The following ATP13A4 variants were observed in gnomAD, a reference collection of about 807,000 sequenced individuals.
ATP13A4 encodes the protein probable cation-transporting ATPase 13A4.
In ATP13A4, 114 loss-of-function variants were observed where a neutral mutation model predicts 142.5. That is an observed-to-expected ratio of 0.80 (90% confidence interval 0.69 to 0.93). The LOEUF (loss-of-function observed/expected upper bound fraction) is 0.93, where lower values mean the gene tolerates loss of function less well. ATP13A4 is among the 40% of genes least tolerant of loss of function. The pLI is 0.00. For synonymous variants in ATP13A4, 488 were observed against 514.8 expected (o/e 0.95, Z 0.70); for missense variants, 1,392 against 1,454.0 (o/e 0.96, Z 0.69).
At chr3:193,573,290 C>CTTATATATATATATGT (rs1279066051) in intron 2 of ATP13A4, among the ~76,000 whole-genome samples, 5 of 109,994 alleles carry the variant, frequency 4.5e-5, no homozygotes, top group African/African-American at 2.2e-4. Flanking sequence ...TATATATATA[C>CTTATATATATATATGT]ACATATATAT....
chr3:193,553,554 G>A (rs1723711944), intron 1 of ATP13A4: 1 of 152,206 alleles, frequency 6.6e-6, no homozygotes, highest in Non-Finnish European at 1.5e-5. Context: ...AAACAAAGAT[G>A]ATATCCAATG....
chr3:193,534,126 A>G (rs1366213438), intron 1 of ATP13A4, among the ~76,000 whole-genome samples: 2 of 152,198 alleles, frequency 1.3e-5, no homozygotes, highest in Non-Finnish European at 2.9e-5. Flanking sequence ...TTTATCCACC[A>G]GTAATAAGGA....
At chr3:193,557,060 G>A (rs145754505), upstream of ATP13A4, among the ~76,000 whole-genome samples, 504 of 152,290 alleles carry the variant, frequency 3.3e-3, 2 homozygotes, top group African/African-American at 0.011. Flanking sequence ...CTCTTGCACC[G>A]TTGTGGGATT....
chr3:193,491,522 C>T, intron 5 of ATP13A4, 124 bp from the exon 6 acceptor site: 1 of 761,006 alleles, frequency 1.3e-6, no homozygotes, highest in South Asian at 1.5e-5. Context: ...ATAAGTCTCC[C>T]TTGTTAAATA....
chr3:193,404,696 G>A (rs1714407091), intron 29 of ATP13A4, among the ~76,000 whole-genome samples: 1 of 152,076 alleles, frequency 6.6e-6, no homozygotes, highest in Admixed American at 6.5e-5. Context: ...AAAGTTTCTT[G>A]GGGCCTCTCC....
intron 8 of ATP13A4, among the ~76,000 whole-genome samples, chr3:193,478,476 A>G (rs780454263): frequency 3.9e-5 from 6 of 152,192 alleles, no homozygotes; most frequent in Non-Finnish European, 8.8e-5. Flanking sequence ...ACAAAAGATC[A>G]TTCAAGGATA....
At chr3:193,453,198 T>G (rs1241876200) in intron 17 of ATP13A4, among the ~76,000 whole-genome samples, 1 of 152,256 alleles carries the variant, frequency 6.6e-6, no homozygotes, top group African/African-American at 2.4e-5. Context: ...GCTTTCATTC[T>G]TACTATATAA....
At chr3:193,572,161 T>C (rs550938914) in intron 2 of ATP13A4, among the ~76,000 whole-genome samples, 11 of 152,020 alleles carry the variant, frequency 7.2e-5, no homozygotes, top group African/African-American at 1.2e-4. Flanking sequence ...AGTGGGAGGA[T>C]TGCCTGAGCT....
chr3:193,530,661 C>T (rs146024899), intron 1 of ATP13A4, among the ~76,000 whole-genome samples: 61 of 152,290 alleles, frequency 4.0e-4, no homozygotes, highest in African/African-American at 7.7e-4. Flanking sequence ...TCCACACTGC[C>T]GCAGAGTGAT....
intron 1 of ATP13A4, chr3:193,554,338 A>C: frequency 3.7e-6 from 1 of 270,776 alleles, no homozygotes; most frequent in Non-Finnish European, 7.1e-6. Context: ...TTCACTGCTG[A>C]ACTTCTGCTT....
intron 28 of ATP13A4, among the ~76,000 whole-genome samples, chr3:193,408,962 T>C (rs1714638803): frequency 6.6e-6 from 1 of 152,212 alleles, no homozygotes; most frequent in Admixed American, 6.5e-5. Flanking sequence ...ATATAATAGT[T>C]TTCTACTGTT....
intron 3 of ATP13A4, among the ~76,000 whole-genome samples, chr3:193,500,601 A>G (rs1026869773): frequency 1.3e-4 from 20 of 152,182 alleles, no homozygotes; most frequent in African/African-American, 4.6e-4. Flanking sequence ...TTTCACTCCT[A>G]TGAGAATCTC....
intron 2 of ATP13A4, among the ~76,000 whole-genome samples, chr3:193,575,881 T>C (rs879861812): frequency 2.0e-5 from 3 of 152,146 alleles, no homozygotes; most frequent in African/African-American, 4.8e-5. Context: ...AATTTAGACA[T>C]AGTGATTTTC....
At chr3:193,573,884 AAAGTT>A (rs1227896630) in intron 2 of ATP13A4, among the ~76,000 whole-genome samples, 1 of 152,224 alleles carries the variant, frequency 6.6e-6, no homozygotes, top group Non-Finnish European at 1.5e-5. Flanking sequence ...TCGATTTAGA[AAAGTT>A]AAGTGCTAAT....
Position 193,572,075 on chromosome 3 carries a change from G to C in ATP13A4, n.291+9632C>G, listed in dbSNP as rs188199439. Among the ~76,000 whole-genome samples, 12 of 151,992 alleles carry C rather than the reference G, an allele frequency of 7.9e-5. 2 individuals carry two copies. Among genetic ancestry groups the C allele is most frequent in the Admixed American group, 6.6e-4 (10 of 15,260 alleles). ...AGCCTCAGCAACATGGCAAAACCCC[G>C]CCTCTACAAAACATACAAAATAATA... On this transcript the variant is annotated intron_variant and non_coding_transcript_variant, in intron 2 of 3. Transcript: ENST00000489140.
intron 1 of ATP13A4, among the ~76,000 whole-genome samples, chr3:193,538,959 C>T (rs577222634): frequency 3.5e-4 from 52 of 149,714 alleles, no homozygotes; most frequent in Admixed American, 7.3e-4. Flanking sequence ...CGGCCTCCTC[C>T]GCCTCCCAGG....
rs139729366 is a variant in ATP13A4, at chr3:193,464,988, G to A, written c.1413C>T (p.Pro471=). Residue 471 remains proline, a synonymous_variant, in exon 12 of 30, where the codon CCC becomes CCT. Coordinates refer to ENST00000342695, the MANE Select transcript of ATP13A4 (RefSeq NM_032279.4). ...LKKRGIFCIS[P]QRINVCGQLN... is the part of the protein sequence containing the mutation. ...ACTGTCCACATACGTTGATCCTCTG[G>A]GGGCTAATGCAGAAGATGCCTCTCT... 3.1e-6 allele frequency: 5 copies of A among 1,613,940 alleles called. No homozygotes were observed. In the African/African-American group the frequency reaches 6.7e-5, roughly 22 times the overall value.
chr3:193,531,347 AGAGG>A (rs1722327407), intron 1 of ATP13A4, among the ~76,000 whole-genome samples: 1 of 45,768 alleles, frequency 2.2e-5, no homozygotes. Context: ...AGGGAGGAAG[AGAGG>A]GAGGGAGGAG....
At chr3:193,521,762 A>G (rs1202656467) in intron 1 of ATP13A4, among the ~76,000 whole-genome samples, 5 of 151,962 alleles carry the variant, frequency 3.3e-5, no homozygotes, top group Non-Finnish European at 7.4e-5. Context: ...GCGAAACCCC[A>G]TCTCTATTAA....
Sources: allele counts gnomAD v4.1 joint callset (sites outside exome capture counted in the v4.1 genomes callset), GRCh38; gene constraint gnomAD v4.1.1; transcripts MANE v1.5; gene names NCBI Gene and HGNC (gene_info 2026-07-23, HGNC 2026-07-21).